Variants in RINT1 observed in about 807,000 individuals in gnomAD.
RINT1 encodes RAD50-interacting protein 1.
Under a neutral mutation model 97.7 loss-of-function variants are expected in RINT1, and 75 were observed. That is an observed-to-expected ratio of 0.77 (90% CI 0.64 to 0.93). RINT1 has a LOEUF of 0.93. RINT1 is among the 40% of genes least tolerant of loss of function. The pLI is 0.00. For synonymous variants in RINT1, 303 were observed against 326.3 expected (o/e 0.93, Z 0.77); for missense variants, 892 against 925.2 (o/e 0.96, Z 0.47).
chr7:105,552,059 C>T (rs544500630), intron 10 of RINT1, among the ~76,000 whole-genome samples: 22 of 151,966 alleles, frequency 1.4e-4, no homozygotes, highest in Admixed American at 2.6e-4. Context: ...CAGAGTGAGA[C>T]CCTGTCAATA....
chr7:105,565,562 A>G lies in RINT1; in HGVS notation c.2100A>G (p.Gly700=). ...TTGCTAATCACTTCAATGAAGGAGG[A>G]GCAGCCCAGCTGCAGTTTGATATGA... The part of the protein sequence containing the change: ...IILANHFNEG[G]AAQLQFDMTR... Residue 700 remains glycine (G), a synonymous_variant, in exon 14 of 15, where the codon GGA becomes GGG. Transcript: ENST00000257700. The G allele has an allele frequency of 6.2e-7, 1 of 1,613,848 alleles. No homozygotes were observed. The highest frequency in any genetic ancestry group is 8.5e-7 in the Non-Finnish European group (1 of 1,179,746).
intron 3 of RINT1, among the ~76,000 whole-genome samples, chr7:105,537,651 GA>G (rs1373783061): frequency 6.6e-6 from 1 of 151,480 alleles, no homozygotes; most frequent in Non-Finnish European, 1.5e-5. Flanking sequence ...CCCACATGGT[GA>G]AATCCCGACT....
chr7:105,558,413 GC>G (rs1446294621), intron 11 of RINT1, among the ~76,000 whole-genome samples: 1 of 152,050 alleles, frequency 6.6e-6, no homozygotes, highest in Non-Finnish European at 1.5e-5. Flanking sequence ...TCCATATTCT[GC>G]TAAGCGTTTT....
rs755060169 is a variant in RINT1, at chr7:105,565,622, C to G, written c.2160C>G (p.Cys720Trp). The G allele has an allele frequency of 1.9e-6, 3 of 1,609,834 alleles. No homozygotes were observed. Among genetic ancestry groups the G allele is most frequent in the African/African-American group, 1.3e-5 (1 of 74,794 alleles). Reference sequence around the variant, plus strand: ...TTTTCCCTTTGTTTTCTCACTATTGCAAGAGACCAGAAAATTATTTTAAAC... The same window carrying G: ...TTTTCCCTTTGTTTTCTCACTATTGGAAGAGACCAGAAAATTATTTTAAAC... ...RNLFPLFSHYCKRPENYFKHI... is the reference protein window; with the variant it reads ...RNLFPLFSHYWKRPENYFKHI... The change falls in exon 14 of 15, where the codon TGC becomes TGG. Residue 720 changes from cysteine (C) to tryptophan (W), a missense_variant. Coordinates refer to ENST00000257700, the MANE Select transcript of RINT1 (RefSeq NM_021930.6).
chr7:105,560,099 A>C (rs928732696), intron 11 of RINT1, among the ~76,000 whole-genome samples: 2 of 152,120 alleles, frequency 1.3e-5, no homozygotes, highest in Non-Finnish European at 2.9e-5. Flanking sequence ...TAAAGTTGTC[A>C]ATTTCTGGTT....
chr7:105,546,949 G>A lies in RINT1; in HGVS notation c.555G>A (p.Pro185=), dbSNP rs187674997. ...IQQYLMTNNV[P]EAASTLVSMA... ...AATATCTGATGACCAATAATGTACC[G>A]GAGGCAGCCTCCACTCTAGTGTCTA... Residue 185 remains proline (P), a synonymous_variant, in exon 5 of 15, where the codon CCG becomes CCA. Transcript: ENST00000257700. 1.3e-5 allele frequency: 21 copies of A among 1,612,314 alleles called. No homozygotes were observed. Among genetic ancestry groups the A allele is most frequent in the South Asian group, 8.8e-5 (8 of 90,580 alleles).
chr7:105,550,515 G>T (rs1354144774), intron 9 of RINT1, 29 bp downstream of exon 9: 1 of 1,483,326 alleles, frequency 6.7e-7, no homozygotes, highest in Non-Finnish European at 9.4e-7. Context: ...AGATGGTAGG[G>T]AGATATGTCT....
intron 11 of RINT1, among the ~76,000 whole-genome samples, chr7:105,557,746 T>TA (rs1450480845): frequency 6.6e-6 from 1 of 152,122 alleles, no homozygotes; most frequent in Non-Finnish European, 1.5e-5. Flanking sequence ...CATTTTTATT[T>TA]AAATTTTAAA....
chr7:105,544,924 TTTC>T (rs1486524289), intron 4 of RINT1, among the ~76,000 whole-genome samples: 2 of 152,038 alleles, frequency 1.3e-5, no homozygotes, highest in African/African-American at 4.8e-5. Context: ...CTTCTGGGAT[TTTC>T]TTCATCTCTA....
intron 10 of RINT1, among the ~76,000 whole-genome samples, chr7:105,552,034 G>C (rs529307658): frequency 6.6e-6 from 1 of 152,190 alleles, no homozygotes; most frequent in South Asian, 2.1e-4. Flanking sequence ...CGCCACTGCA[G>C]TCCAGCCTTG....
rs1790060327 is a variant in RINT1, at chr7:105,532,227, G to T, written c.-89G>T. ...TGGCACTCAGTCCTACGGCCTCCGA[G>T]GCTGGGTAGTGAGTGTGTCGCTGGC... On this transcript the variant is annotated 5_prime_UTR_variant, in exon 1 of 15. It adds an upstream start codon to the 5' untranslated region. Coordinates refer to ENST00000257700, the MANE Select transcript of RINT1 (RefSeq NM_021930.6). The T allele has an allele frequency of 7.0e-7, 1 of 1,434,952 alleles. No homozygotes were observed. The allele number at this position is 1,434,952 out of a possible 1,614,324, so 88.9% of individuals were successfully genotyped here. A position where few individuals can be genotyped will look rare whatever the true frequency, so the allele number is the denominator to read the frequency against.
At chr7:105,545,094 C>A (rs1790605490) in intron 4 of RINT1, among the ~76,000 whole-genome samples, 1 of 151,924 alleles carries the variant, frequency 6.6e-6, no homozygotes, top group Non-Finnish European at 1.5e-5. Flanking sequence ...TCTAGCTTTT[C>A]CTATGTTGTA....
intron 6 of RINT1, among the ~76,000 whole-genome samples, chr7:105,547,780 C>T (rs1790736948): frequency 7.4e-6 from 1 of 135,014 alleles, no homozygotes. Context: ...AATGAAGTGG[C>T]GTGATCTCAT....
At chr7:105,551,974 G>A (rs1344937297) in intron 10 of RINT1, among the ~76,000 whole-genome samples, 3 of 152,042 alleles carry the variant, frequency 2.0e-5, no homozygotes, top group Non-Finnish European at 4.4e-5. Flanking sequence ...AGGCTGAGGT[G>A]GGAGGATTTT....
intron 4 of RINT1, 71 bp downstream of exon 4, chr7:105,542,720 T>C: frequency 6.9e-7 from 1 of 1,447,066 alleles, no homozygotes. Flanking sequence ...AGTACATGTG[T>C]GCCATTAAAT....
chr7:105,533,917 A>G (rs781211688), intron 2 of RINT1, among the ~76,000 whole-genome samples: 1 of 152,188 alleles, frequency 6.6e-6, no homozygotes, highest in Non-Finnish European at 1.5e-5. Flanking sequence ...TCCTCTTTCC[A>G]CAGCTCAAAC....
intron 2 of RINT1, 46 bp from the exon 3 acceptor site, chr7:105,536,519 C>G: frequency 7.4e-7 from 1 of 1,352,868 alleles, no homozygotes; most frequent in Non-Finnish European, 1.0e-6. Flanking sequence ...TTCTTTAACT[C>G]CATAGTACTT....
intron 9 of RINT1, 139 bp downstream of exon 9, chr7:105,550,625 G>C: frequency 3.1e-6 from 2 of 642,368 alleles, no homozygotes; most frequent in Non-Finnish European, 5.4e-6. Flanking sequence ...GTTTCCTTCA[G>C]AGATAATCTT....
chr7:105,567,387 G>T lies in RINT1; in HGVS notation c.*76G>T. On this transcript the variant is annotated 3_prime_UTR_variant, in exon 15 of 15. Coordinates refer to ENST00000257700, the MANE Select transcript of RINT1 (RefSeq NM_021930.6). ...CCAATTGGATTTCAAGTTATATGAT[G>T]AAATTCTGAATTAATGAAACTGGAA... 1 of 1,001,604 alleles carries T rather than the reference G, an allele frequency of 1.0e-6. No homozygotes were observed. 62.0% of individuals were successfully genotyped at this position (1,001,604 alleles called of 1,614,324 possible).
Sources: gnomAD v4.1 joint callset for allele counts (sites outside exome capture counted in the v4.1 genomes callset) on GRCh38, gnomAD v4.1.1 for gene constraint, MANE v1.5 for transcripts, NCBI Gene and HGNC (gene_info 2026-07-23, HGNC 2026-07-21) for gene names.